The following PCDH9 variants were observed in gnomAD, a reference collection of about 807,000 sequenced individuals.
The protein encoded by PCDH9 is protocadherin 9.
In PCDH9, 24 loss-of-function variants were observed where a neutral mutation model predicts 70.6. The observed-to-expected ratio is 0.34, with a 90% CI of 0.25 to 0.48. PCDH9 has a LOEUF of 0.48. PCDH9 is among the 20% of genes least tolerant of loss of function. The probability of loss-of-function intolerance (pLI) is 0.99; values close to 1 mark genes in which losing one functional copy is unlikely to be tolerated. For synonymous variants in PCDH9, 562 were observed against 558.5 expected (o/e 1.01, Z -0.09); for missense variants, 1,281 against 1,503.6 (o/e 0.85, Z 2.45).
chr13:67,099,485 C>T (rs1042482607), intron 2 of PCDH9, among the ~76,000 whole-genome samples: 2 of 152,094 alleles, frequency 1.3e-5, no homozygotes, highest in Non-Finnish European at 2.9e-5. Flanking sequence ...GTACCACAGT[C>T]AATAAATTTG....
At chr13:67,094,016 G>C (rs1171321461) in intron 2 of PCDH9, among the ~76,000 whole-genome samples, 1 of 152,070 alleles carries the variant, frequency 6.6e-6, no homozygotes, top group Non-Finnish European at 1.5e-5. Flanking sequence ...CATTGTCTCT[G>C]AAGAATACAT....
intron 4 of PCDH9, among the ~76,000 whole-genome samples, chr13:66,357,375 C>T (rs1400075484): frequency 6.6e-6 from 1 of 152,000 alleles, no homozygotes; most frequent in Admixed American, 6.6e-5. Context: ...AGGGTAACAT[C>T]AGGGAGAAAA....
At chr13:67,060,171 A>G (rs2085510564) in intron 2 of PCDH9, among the ~76,000 whole-genome samples, 1 of 152,134 alleles carries the variant, frequency 6.6e-6, no homozygotes, top group Non-Finnish European at 1.5e-5. Context: ...GAGGTCAGGT[A>G]GATAAAGTGT....
intron 3 of PCDH9, among the ~76,000 whole-genome samples, chr13:66,683,098 G>A (rs546435119): frequency 6.6e-6 from 1 of 152,120 alleles, no homozygotes; most frequent in African/African-American, 2.4e-5. Flanking sequence ...TAAATACAAC[G>A]TTACAACCTG....
At chr13:66,774,622 A>AC (rs2079861529) in intron 3 of PCDH9, among the ~76,000 whole-genome samples, 2 of 152,172 alleles carry the variant, frequency 1.3e-5, no homozygotes, top group African/African-American at 4.8e-5. Context: ...TCATCAAGGT[A>AC]CCCACATTTG....
intron 2 of PCDH9, among the ~76,000 whole-genome samples, chr13:66,948,073 G>A (rs569888221): frequency 2.6e-5 from 4 of 152,126 alleles, no homozygotes; most frequent in Admixed American, 1.3e-4. Flanking sequence ...GATGTGTGGG[G>A]GCTAATGCAG....
At chr13:66,701,411 ATATG>A (rs1199523843) in intron 3 of PCDH9, among the ~76,000 whole-genome samples, 1 of 152,170 alleles carries the variant, frequency 6.6e-6, no homozygotes, top group African/African-American at 2.4e-5. Context: ...GTGTGCATAT[ATATG>A]TATGTGCATA....
chr13:66,492,331 T>C (rs961086714), intron 4 of PCDH9, among the ~76,000 whole-genome samples: 2 of 151,624 alleles, frequency 1.3e-5, no homozygotes, highest in African/African-American at 4.8e-5. Flanking sequence ...ATCATTCAAC[T>C]TTTTCTCCAA....
chr13:66,558,181 G>C (rs1390525942), intron 4 of PCDH9, among the ~76,000 whole-genome samples: 1 of 151,988 alleles, frequency 6.6e-6, no homozygotes, highest in South Asian at 2.1e-4. Flanking sequence ...ACAAAAGCCA[G>C]CTCTGCCACT....
chr13:66,736,981 G>C (rs560225142), intron 3 of PCDH9, among the ~76,000 whole-genome samples: 1 of 151,942 alleles, frequency 6.6e-6, no homozygotes, highest in South Asian at 2.1e-4. Flanking sequence ...TAAAATATAC[G>C]TTCCTGAGGG....
intron 4 of PCDH9, among the ~76,000 whole-genome samples, chr13:66,446,813 T>C (rs537068886): frequency 5.5e-4 from 83 of 152,210 alleles, no homozygotes; most frequent in African/African-American, 1.9e-3. Context: ...ATTTCTTAAC[T>C]TTTATTCTAA....
intron 2 of PCDH9, chr13:67,215,062 G>C (rs1012214362): frequency 6.7e-6 from 1 of 149,114 alleles, no homozygotes; most frequent in Non-Finnish European, 1.5e-5. Context: ...GCATTTAAAT[G>C]ATGTGCCCAG....
chr13:66,620,819 C>A (rs937234695), intron 4 of PCDH9, among the ~76,000 whole-genome samples: 11 of 151,998 alleles, frequency 7.2e-5, no homozygotes, highest in Non-Finnish European at 1.3e-4. Context: ...TACTTGTGGT[C>A]CTCTTGGACC....
At chr13:66,835,757 GTTATATA>G (rs1160566220) in intron 3 of PCDH9, among the ~76,000 whole-genome samples, 3 of 152,050 alleles carry the variant, frequency 2.0e-5, no homozygotes, top group African/African-American at 4.8e-5. Flanking sequence ...TTAGAAGACT[GTTATATA>G]TTATACAACT....
chr13:66,962,202 G>A (rs762873200), intron 2 of PCDH9, among the ~76,000 whole-genome samples: 2 of 152,180 alleles, frequency 1.3e-5, no homozygotes, highest in Non-Finnish European at 2.9e-5. Context: ...GATCTTTGAT[G>A]AATAAAGTTT....
intron 3 of PCDH9, among the ~76,000 whole-genome samples, chr13:66,883,477 C>A (rs998390514): frequency 2.6e-5 from 4 of 152,104 alleles, no homozygotes; most frequent in Admixed American, 6.5e-5. Context: ...AGCCATATTT[C>A]ATTTGCTGAC....
chr13:66,371,563 T>C (rs1255504774), intron 4 of PCDH9, among the ~76,000 whole-genome samples: 4 of 152,044 alleles, frequency 2.6e-5, no homozygotes, highest in Non-Finnish European at 4.4e-5. Context: ...TTCAAAATAA[T>C]GTGTCCTTTT....
chr13:67,189,207 CGTGTGT>C (rs71110636), intron 2 of PCDH9, among the ~76,000 whole-genome samples: 10 of 149,580 alleles, frequency 6.7e-5, no homozygotes, highest in Non-Finnish European at 1.5e-4. Flanking sequence ...TACATATATA[CGTGTGT>C]GTGTGTGTGT....
intron 2 of PCDH9, among the ~76,000 whole-genome samples, chr13:67,173,625 G>A (rs556268417): frequency 1.3e-5 from 2 of 152,196 alleles, no homozygotes; most frequent in Admixed American, 6.5e-5. Flanking sequence ...ACTTCAGTTC[G>A]ACAGAGAAAA....
Sources: gnomAD v4.1 joint callset for allele counts (sites outside exome capture counted in the v4.1 genomes callset) on GRCh38, gnomAD v4.1.1 for gene constraint, MANE v1.5 for transcripts, NCBI Gene and HGNC (gene_info 2026-07-23, HGNC 2026-07-21) for gene names.